Variants in PFDN4 observed in about 807,000 individuals in gnomAD.
The protein encoded by PFDN4 is prefoldin 4.
Under a neutral mutation model 17.6 loss-of-function variants are expected in PFDN4, and 6 were observed. The observed-to-expected ratio is 0.34, with a 90% CI of 0.19 to 0.67. PFDN4 has a LOEUF of 0.67. Among genes scored for constraint, PFDN4 ranks in the 30% least tolerant of loss-of-function variants. The pLI, the probability that PFDN4 is intolerant of heterozygous loss-of-function variation, is 0.68. For missense variants in PFDN4, 119 were observed against 158.4 expected (o/e 0.75, Z 1.33); for synonymous variants, 48 against 51.1 (o/e 0.94, Z 0.26).
At position 54,219,293 on chromosome 20, in the gene PFDN4, CAT is replaced by C. The variant is rs1015513005; in HGVS notation, c.*144_*145del. 1.5e-4 allele frequency: 79 copies of C among 534,248 alleles called. No homozygotes were observed. Among genetic ancestry groups the C allele is most frequent in the East Asian group, 5.6e-4 (17 of 30,274 alleles). The allele number at this position is 534,248 out of a possible 1,614,324, so 33.1% of individuals were successfully genotyped here. On this transcript the variant is annotated 3_prime_UTR_variant, in exon 4 of 4. Coordinates refer to ENST00000371419, the MANE Select transcript of PFDN4 (RefSeq NM_002623.4). The stretch of plus-strand genomic sequence containing the variant: ...TTTAATGGAAACTTGCCCATTTTCA[CAT>C]GTCTGCTTATTTATTTTATATTTTT...
chr20:54,208,337 C>G, intron 1 of PFDN4: 1 of 450,208 alleles, frequency 2.2e-6, no homozygotes, highest in Admixed American at 4.5e-5. Context: ...AGGCGGGGCG[C>G]CGGGGCTGGG....
At chr20:54,214,242 C>T in intron 1 of PFDN4, 109 bp from the exon 2 acceptor site, 1 of 649,040 alleles carries the variant, frequency 1.5e-6, no homozygotes, top group Non-Finnish European at 2.8e-6. Context: ...TCTTGTGATT[C>T]TTGACTATAT....
intron 3 of PFDN4, among the ~76,000 whole-genome samples, chr20:54,216,725 C>T (rs986867769): frequency 1.8e-4 from 27 of 152,154 alleles, no homozygotes; most frequent in African/African-American, 6.5e-4. Context: ...GGCGCAATCT[C>T]GGCTCACTGC....
intron 1 of PFDN4, among the ~76,000 whole-genome samples, chr20:54,209,722 AT>A (rs2092753196): frequency 6.6e-6 from 1 of 152,210 alleles, no homozygotes; most frequent in Non-Finnish European, 1.5e-5. Context: ...CAGAAGAATG[AT>A]TTGAACCTTG....
intron 1 of PFDN4, among the ~76,000 whole-genome samples, chr20:54,213,696 T>C (rs570681164): frequency 3.3e-5 from 5 of 152,366 alleles, no homozygotes; most frequent in Admixed American, 3.3e-4. Context: ...AGCTATTTTT[T>C]TATTATTTCA....
At chr20:54,208,184 C>T (rs1041430367) in intron 1 of PFDN4, 60 bp downstream of exon 1, 31 of 1,459,936 alleles carry the variant, frequency 2.1e-5, no homozygotes, top group Non-Finnish European at 2.6e-5. Flanking sequence ...GCCGCTGGGG[C>T]CCGGGCGCGG....
intron 2 of PFDN4, among the ~76,000 whole-genome samples, chr20:54,215,004 A>G (rs2092760767): frequency 6.6e-6 from 1 of 152,174 alleles, no homozygotes; most frequent in African/African-American, 2.4e-5. Flanking sequence ...TTGTTTTTGT[A>G]GGAAGGCAGA....
At chr20:54,210,217 TTA>T (rs1408658186) in intron 1 of PFDN4, among the ~76,000 whole-genome samples, 1 of 152,118 alleles carries the variant, frequency 6.6e-6, no homozygotes, top group Non-Finnish European at 1.5e-5. Flanking sequence ...GGAAAAGAAC[TTA>T]TAGAGGGGTA....
intron 3 of PFDN4, among the ~76,000 whole-genome samples, chr20:54,216,279 G>A (rs1281385573): frequency 6.6e-6 from 1 of 152,170 alleles, no homozygotes; most frequent in Non-Finnish European, 1.5e-5. Flanking sequence ...CAGCCACGTT[G>A]TTTGTCTATG....
In PFDN4 at chr20:54,219,802, G is replaced by T. The variant is rs1223684966; in HGVS notation, c.*652G>T. On this transcript the variant is annotated 3_prime_UTR_variant, in exon 4 of 4. Transcript: ENST00000371419. ...TTAGAAACCAAGAGATGTGCAGAAA[G>T]AAATGTTTAGTGTTTTTTCGTTTTA... 2 of 398,096 alleles carry T rather than the reference G, an allele frequency of 5.0e-6. No individual in the cohort carries two copies. The highest frequency in any genetic ancestry group is 8.9e-6 in the Non-Finnish European group (2 of 225,914). The allele number at this position is 398,096 out of a possible 1,614,324, so 24.7% of individuals were successfully genotyped here.
At chr20:54,216,588 G>A (rs2092762734) in intron 3 of PFDN4, among the ~76,000 whole-genome samples, 1 of 152,008 alleles carries the variant, frequency 6.6e-6, no homozygotes, top group Non-Finnish European at 1.5e-5. Context: ...TATGGTTTTT[G>A]TGGCTATTGT....
At position 54,214,322 on chromosome 20, in the gene PFDN4, T is replaced by G. The variant is rs778984827; in HGVS notation, c.25-29T>G. ...CTAACTGATAACTTCTCCGTTAAAATTTTACAAAAACTTAAACACTTCTTT... is the reference window on the plus strand; with the variant it reads ...CTAACTGATAACTTCTCCGTTAAAAGTTTACAAAAACTTAAACACTTCTTT... On this transcript the variant is annotated intron_variant, in intron 1 of 3. Coordinates refer to ENST00000371419, the MANE Select transcript of PFDN4 (RefSeq NM_002623.4). The G allele has an allele frequency of 3.9e-6, 5 of 1,272,390 alleles. No homozygotes were observed. The South Asian group carries it at 6.5e-5, about 17-fold the overall frequency. The allele number at this position is 1,272,390 out of a possible 1,614,324, so 78.8% of individuals were successfully genotyped here.
intron 2 of PFDN4, 126 bp downstream of exon 2, chr20:54,214,584 CTAGT>C (rs2092760168): frequency 9.4e-6 from 5 of 532,882 alleles, no homozygotes; most frequent in Non-Finnish European, 1.7e-5. Flanking sequence ...GCGATCCACT[CTAGT>C]TAAGCAGAAA....
At chr20:54,218,988 A>G in intron 3 of PFDN4, 31 bp from the exon 4 acceptor site, 12 of 1,332,216 alleles carry the variant, frequency 9.0e-6, no homozygotes, top group Non-Finnish European at 1.2e-5. Context: ...ATCCTATTGA[A>G]TAGAATTAAT....
At chr20:54,209,281 T>C (rs990239303) in intron 1 of PFDN4, among the ~76,000 whole-genome samples, 2 of 152,212 alleles carry the variant, frequency 1.3e-5, no homozygotes, top group African/African-American at 4.8e-5. Context: ...TGAGAATCTC[T>C]TGGCTGGAGG....
At chr20:54,216,516 TG>T (rs1335205779) in intron 3 of PFDN4, among the ~76,000 whole-genome samples, 2 of 152,256 alleles carry the variant, frequency 1.3e-5, no homozygotes, top group Admixed American at 6.5e-5. Context: ...TTGTGATTTT[TG>T]TTCTTTTTAT....
intron 1 of PFDN4, among the ~76,000 whole-genome samples, chr20:54,213,360 G>T (rs916482733): frequency 2.0e-5 from 3 of 152,118 alleles, no homozygotes; most frequent in Admixed American, 6.6e-5. Context: ...TCTGATGAAA[G>T]CAGACATCCT....
intron 3 of PFDN4, among the ~76,000 whole-genome samples, chr20:54,217,732 G>T (rs937373195): frequency 2.0e-5 from 3 of 152,256 alleles, no homozygotes; most frequent in Non-Finnish European, 1.5e-5. Context: ...TGACTTTCTA[G>T]TGTCTTATTT....
At chr20:54,211,933 C>G (rs1256707373) in intron 1 of PFDN4, among the ~76,000 whole-genome samples, 1 of 152,190 alleles carries the variant, frequency 6.6e-6, no homozygotes, top group African/African-American at 2.4e-5. Context: ...TGGCTCAAGC[C>G]TGTAATCCCA....
Sources: allele counts gnomAD v4.1 joint callset (sites outside exome capture counted in the v4.1 genomes callset), GRCh38; gene constraint gnomAD v4.1.1; transcripts MANE v1.5; gene names NCBI Gene and HGNC (gene_info 2026-07-23, HGNC 2026-07-21).